The following NR3C1 variants were observed in gnomAD, a reference collection of about 807,000 sequenced individuals.
NR3C1 encodes the protein glucocorticoid receptor.
Under a neutral mutation model 74.0 loss-of-function variants are expected in NR3C1, and 14 were observed. That is an observed-to-expected ratio of 0.19 (90% CI 0.12 to 0.30). The LOEUF (loss-of-function observed/expected upper bound fraction) is 0.30. NR3C1 is among the 10% of genes least tolerant of loss of function. The pLI is 1.00. For missense variants in NR3C1, 695 were observed against 909.8 expected, an observed-to-expected ratio of 0.76 and a Z score of 3.04; for synonymous variants, 308 against 332.5, an observed-to-expected ratio of 0.93 and a Z score of 0.80.
chr5:143,387,088 G>A (rs919421312), intron 2 of NR3C1, among the ~76,000 whole-genome samples: 1 of 152,220 alleles, frequency 6.6e-6, no homozygotes, highest in Non-Finnish European at 1.5e-5. Flanking sequence ...CTATTGATAA[G>A]AGTAATAAGA....
chr5:143,349,011 T>C (rs913413041), intron 2 of NR3C1, among the ~76,000 whole-genome samples: 1 of 152,172 alleles, frequency 6.6e-6, no homozygotes, highest in Non-Finnish European at 1.5e-5. Context: ...TTGCATTACA[T>C]GTGGTAAAAC....
chr5:143,403,859 C>G (rs1343122579), upstream of NR3C1: 23 of 975,256 alleles, frequency 2.4e-5, no homozygotes, highest in Non-Finnish European at 2.8e-5. Context: ...GCCCCGCCAC[C>G]CCGGCCCCGA....
At chr5:143,298,969 G>A (rs987013970) in intron 5 of NR3C1, among the ~76,000 whole-genome samples, 157 bp from the exon 6 acceptor site, 1 of 145,912 alleles carries the variant, frequency 6.9e-6, no homozygotes, top group Non-Finnish European at 1.5e-5. Flanking sequence ...GTTTTCTTCT[G>A]TCATCTGACA....
chr5:143,305,651 A>C (rs922254826), intron 4 of NR3C1, among the ~76,000 whole-genome samples: 18 of 152,254 alleles, frequency 1.2e-4, no homozygotes, highest in African/African-American at 4.3e-4. Context: ...AAAAACAAAT[A>C]CCATGTTCTC....
At chr5:143,433,391 A>AAT (rs34775154) in intron 1 of NR3C1, among the ~76,000 whole-genome samples, 50,746 of 113,704 alleles carry the variant, frequency 0.45, 14,447 homozygotes, top group Non-Finnish European at 0.55. Context: ...AACAGCACTA[A>AAT]ATATATATAT....
intron 2 of NR3C1, among the ~76,000 whole-genome samples, chr5:143,363,417 AG>A (rs1832629757): frequency 6.6e-6 from 1 of 152,196 alleles, no homozygotes; most frequent in African/African-American, 2.4e-5. Flanking sequence ...AGGAAAAGAA[AG>A]AAAGAAAACA....
intron 2 of NR3C1, among the ~76,000 whole-genome samples, chr5:143,375,053 G>A (rs1162583193): frequency 6.6e-6 from 1 of 152,106 alleles, no homozygotes; most frequent in Non-Finnish European, 1.5e-5. Flanking sequence ...CAGACATCAG[G>A]TCAGCAGCTA....
upstream of NR3C1, chr5:143,404,387 G>A (rs1165021003): frequency 3.0e-6 from 3 of 985,478 alleles, no homozygotes; most frequent in South Asian, 9.4e-5. Flanking sequence ...TTGGGCCCGG[G>A]GGGAGTCGCG....
rs1274998110 is a variant in NR3C1, at chr5:143,416,560, A to T, written c.-13-15708T>A. Among the ~76,000 whole-genome samples, 3 of 151,978 alleles carry T rather than the reference A, an allele frequency of 2.0e-5. No homozygotes were observed. In the East Asian group the frequency reaches 5.8e-4, roughly 29 times the overall value. On this transcript the variant is annotated intron_variant, in intron 1 of 8. Transcript: ENST00000343796. ...CTGCTCCTAGACTTGACTATTACAC[A>T]CTTCAATACATTATTCCCCCTCCTT... is the stretch of plus-strand genomic sequence containing the variant.
intron 1 of NR3C1, among the ~76,000 whole-genome samples, chr5:143,424,844 G>A (rs1165591884): frequency 2.0e-5 from 3 of 152,148 alleles, no homozygotes; most frequent in Non-Finnish European, 4.4e-5. Context: ...ACCAAGCACA[G>A]GTCTCAGTGC....
In NR3C1 at chr5:143,370,107, G is replaced by A. The variant is rs888984533; in HGVS notation, c.1184+29549C>T. 3.9e-5 allele frequency among the ~76,000 whole-genome samples: 6 copies of A among 152,210 alleles called. No homozygotes were observed. In the South Asian group the frequency reaches 1.0e-3, roughly 26 times the overall value. ...TTTAAGATATTATGATACTGAAGCAGTTCAGTGGATCTTTATAATAATAGT... is the reference window on the plus strand; with the variant it reads ...TTTAAGATATTATGATACTGAAGCAATTCAGTGGATCTTTATAATAATAGT... On this transcript the variant is annotated intron_variant, in intron 2 of 8. Transcript: ENST00000394464.
chr5:143,364,757 G>A (rs1832906213), intron 2 of NR3C1, among the ~76,000 whole-genome samples: 1 of 152,018 alleles, frequency 6.6e-6, no homozygotes, highest in Non-Finnish European at 1.5e-5. Context: ...CCAGGCTGGA[G>A]TGCAGTGGTG....
intron 7 of NR3C1, among the ~76,000 whole-genome samples, chr5:143,292,193 CTGT>C (rs1816085174): frequency 6.6e-6 from 1 of 151,892 alleles, no homozygotes; most frequent in African/African-American, 2.4e-5. Context: ...ACTTTTTCTT[CTGT>C]TGTTTTTGGG....
chr5:143,288,679 C>T (rs920923775), intron 7 of NR3C1, among the ~76,000 whole-genome samples: 6 of 151,866 alleles, frequency 4.0e-5, no homozygotes, highest in East Asian at 2.0e-4. Flanking sequence ...CGACATTTTG[C>T]CCAGGCTGGT....
At chr5:143,334,246 G>A (rs1280297133) in intron 2 of NR3C1, among the ~76,000 whole-genome samples, 1 of 152,096 alleles carries the variant, frequency 6.6e-6, no homozygotes, top group African/African-American at 2.4e-5. Context: ...GCCGGGCATG[G>A]TGGCACGTGC....
intron 1 of NR3C1, among the ~76,000 whole-genome samples, chr5:143,434,276 T>C (rs1323026863): frequency 6.6e-6 from 1 of 152,248 alleles, no homozygotes; most frequent in Non-Finnish European, 1.5e-5. Context: ...CCCTGCTGTA[T>C]CTTCATTGCC....
chr5:143,352,208 G>A (rs1830357135), intron 2 of NR3C1, among the ~76,000 whole-genome samples: 2 of 152,182 alleles, frequency 1.3e-5, no homozygotes, highest in Admixed American at 1.3e-4. Flanking sequence ...CTATAATTTG[G>A]TCTGCTTGTC....
rs143956524 is a variant in NR3C1, at chr5:143,380,118, A to C, written c.1184+19538T>G. ...ACAACAAACATAGCTACTTTGAGCA[A>C]GCAGAGAAAACAAAAGATTGCTTAT... On this transcript the variant is annotated intron_variant, in intron 2 of 8. Coordinates refer to ENST00000394464, the MANE Select transcript of NR3C1 (RefSeq NM_000176.3). 1.4e-3 allele frequency among the ~76,000 whole-genome samples: 217 copies of C among 152,328 alleles called. 2 individuals carry two copies. The highest frequency in any genetic ancestry group is 5.1e-3 in the African/African-American group (213 of 41,582).
chr5:143,315,529 T>G (rs1821895807), intron 2 of NR3C1, among the ~76,000 whole-genome samples: 1 of 152,202 alleles, frequency 6.6e-6, no homozygotes. Flanking sequence ...TTGCCTTTTC[T>G]CTAAAAAAGA....
Sources: gnomAD v4.1 joint callset for allele counts (sites outside exome capture counted in the v4.1 genomes callset) on GRCh38, gnomAD v4.1.1 for gene constraint, MANE v1.5 for transcripts, NCBI Gene and HGNC (gene_info 2026-07-23, HGNC 2026-07-21) for gene names.